Variants in POM121C observed in about 807,000 individuals in gnomAD.
The protein encoded by POM121C is nuclear envelope pore membrane protein POM 121C.
In POM121C, 20 loss-of-function variants were observed where a neutral mutation model predicts 66.4. The observed-to-expected ratio is 0.30, with a 90% CI of 0.21 to 0.44. The LOEUF (loss-of-function observed/expected upper bound fraction) is 0.44, where lower values mean the gene tolerates loss of function less well. Among genes scored for constraint, POM121C ranks in the 20% least tolerant of loss-of-function variants. The probability of loss-of-function intolerance (pLI) is 1.00; values close to 1 mark genes in which losing one functional copy is unlikely to be tolerated. For missense variants in POM121C, 580 were observed against 1,225.7 expected (o/e 0.47, Z 7.87); for synonymous variants, 286 against 528.0 (o/e 0.54, Z 6.28).
rs782295788 is a variant in POM121C, at chr7:75,424,036, C to G, written c.1048+13G>C. ...GCTCAGAAGGCTGGATCCACGGCCC[C>G]ACTCCAGCTCACCTGGGCAGGGTGG... On this transcript the variant is annotated intron_variant, in intron 12 of 14. Coordinates refer to ENST00000615331, the MANE Select transcript of POM121C (RefSeq NM_001099415.3). 2 of 1,610,344 alleles carry G rather than the reference C, an allele frequency of 1.2e-6. No homozygotes were observed. Among genetic ancestry groups the G allele is most frequent in the African/African-American group, 1.3e-5 (1 of 74,736 alleles).
At chr7:75,471,807 G>A (rs1326386960) in intron 3 of POM121C, among the ~76,000 whole-genome samples, 3 of 152,136 alleles carry the variant, frequency 2.0e-5, no homozygotes, top group Admixed American at 2.0e-4. Flanking sequence ...AACGCACAAC[G>A]CTAAAGTTTA....
In POM121C at chr7:75,421,810, G is replaced by A. The variant is rs781901963; in HGVS notation, c.2442C>T (p.Thr814=). The A allele has an allele frequency of 4.4e-6, 7 of 1,608,882 alleles. No individual in the cohort carries two copies. In the South Asian group the frequency reaches 7.7e-5, roughly 18 times the overall value. Reference sequence around the variant, plus strand: ...TGCTCCCGCTGCTGGCGGTCTGGGTGGTGGCTCCAAAGCCGGAGCTGGTGG... The same window carrying A: ...TGCTCCCGCTGCTGGCGGTCTGGGTAGTGGCTCCAAAGCCGGAGCTGGTGG... ...GAATSSGFGA[T]TQTASSGSSS... is the part of the protein sequence containing the mutation. Residue 814 remains threonine, a synonymous_variant, in exon 13 of 15, where the codon ACC becomes ACT. Transcript: ENST00000615331.
intron 3 of POM121C, among the ~76,000 whole-genome samples, chr7:75,449,729 G>C (rs587664822): frequency 6.6e-6 from 1 of 152,196 alleles, no homozygotes; most frequent in South Asian, 2.1e-4. Flanking sequence ...AGAAATGCCA[G>C]GGATGGCCAG....
intron 3 of POM121C, among the ~76,000 whole-genome samples, chr7:75,456,699 A>G (rs189974976): frequency 6.6e-6 from 1 of 152,412 alleles, no homozygotes; most frequent in East Asian, 1.9e-4. Context: ...ATCACACGGA[A>G]GCAAAATGTA....
At chr7:75,471,363 C>A (rs1791868761) in intron 3 of POM121C, among the ~76,000 whole-genome samples, 3 of 152,088 alleles carry the variant, frequency 2.0e-5, no homozygotes, top group African/African-American at 7.2e-5. Context: ...CGTGCACCAC[C>A]ACGCCTGGCT....
chr7:75,437,135 C>G (rs781829769), intron 7 of POM121C, among the ~76,000 whole-genome samples: 5 of 152,224 alleles, frequency 3.3e-5, no homozygotes, highest in Admixed American at 6.5e-5. Flanking sequence ...CATCACAGCT[C>G]TGTCTCGAAT....
At chr7:75,440,337 G>A (rs1182397815) in intron 5 of POM121C, among the ~76,000 whole-genome samples, 6 of 151,454 alleles carry the variant, frequency 4.0e-5, no homozygotes, top group African/African-American at 1.5e-4. Context: ...GGAGGCCAAG[G>A]TGGGCGGATC....
chr7:75,454,702 TG>T (rs1166182811), intron 3 of POM121C, among the ~76,000 whole-genome samples: 2 of 152,238 alleles, frequency 1.3e-5, no homozygotes, highest in Non-Finnish European at 2.9e-5. Flanking sequence ...AAAGGAAGAC[TG>T]GAAAAAAGAA....
intron 7 of POM121C, among the ~76,000 whole-genome samples, chr7:75,433,509 C>T (rs1281690780): frequency 2.6e-5 from 4 of 151,908 alleles, no homozygotes; most frequent in South Asian, 2.1e-4. Context: ...GTGCCCGCCA[C>T]CACGCCCAGC....
intron 3 of POM121C, among the ~76,000 whole-genome samples, chr7:75,462,500 C>T (rs1554477173): frequency 6.6e-6 from 1 of 151,980 alleles, no homozygotes; most frequent in Admixed American, 6.6e-5. Context: ...ATTTTACTTG[C>T]CCTTGCCCCA....
rs190501089 is a variant in POM121C, at chr7:75,476,496, C to T, written c.-457-1308G>A. ...AACAAGGGGTTCAAACCCAGTGATA[C>T]AGCTAGGACCATGTAGATCCCAAGA... On this transcript the variant is annotated intron_variant, in intron 1 of 14. Coordinates refer to ENST00000615331, the MANE Select transcript of POM121C (RefSeq NM_001099415.3). Among the ~76,000 whole-genome samples, 14 of 152,174 alleles carry T rather than the reference C, an allele frequency of 9.2e-5. No homozygotes were observed. In the East Asian group the frequency reaches 1.4e-3, roughly 15 times the overall value.
intron 1 of POM121C, among the ~76,000 whole-genome samples, chr7:75,477,003 A>T (rs1792106993): frequency 6.6e-6 from 1 of 152,136 alleles, no homozygotes; most frequent in Non-Finnish European, 1.5e-5. Context: ...TAACATCAAT[A>T]TTATATACAC....
Position 75,425,085 on chromosome 7 carries a change from G to C in POM121C, c.757C>G (p.Gln253Glu). The C allele has an allele frequency of 6.8e-7, 1 of 1,474,526 alleles. No homozygotes were observed. The highest frequency in any genetic ancestry group is 9.0e-7 in the Non-Finnish European group (1 of 1,112,336). 91.3% of individuals were successfully genotyped at this position (1,474,526 alleles called of 1,614,324 possible). Residue 253 changes from glutamine (Q) to glutamate (E), a missense_variant, in exon 10 of 15, where the codon CAG (glutamine) becomes GAG (glutamate). By Grantham distance (29) the Gln-to-Glu change is conservative (BLOSUM62 2). Coordinates refer to ENST00000615331, the MANE Select transcript of POM121C (RefSeq NM_001099415.3). Reference sequence around the variant, plus strand: ...GGACAAGACCATACCAAGGTCAGCTGTTCCCCTCGCCGAGAAGGCAGCAGC... The same window carrying C: ...GGACAAGACCATACCAAGGTCAGCTCTTCCCCTCGCCGAGAAGGCAGCAGC... The part of the protein sequence containing the change: ...VQLLPSRRGE[Q>E]LTLPPPPQLG...
At chr7:75,433,571 G>C (rs1554472657) in intron 7 of POM121C, among the ~76,000 whole-genome samples, 1 of 152,050 alleles carries the variant, frequency 6.6e-6, no homozygotes, top group African/African-American at 2.4e-5. Flanking sequence ...ATGTTAGCCA[G>C]GATAGTCTTA....
At chr7:75,442,269 G>T in intron 3 of POM121C, 1 of 1,452,520 alleles carries the variant, frequency 6.9e-7, no homozygotes, top group South Asian at 1.4e-5. Flanking sequence ...GGTGGGCGGC[G>T]GCCAGGCCTA....
chr7:75,474,475 G>A (rs1436867666), intron 3 of POM121C, among the ~76,000 whole-genome samples: 10 of 152,156 alleles, frequency 6.6e-5, no homozygotes, highest in African/African-American at 2.4e-4. Flanking sequence ...AATGCTGGAG[G>A]AAGAGGAAGT....
intron 13 of POM121C, chr7:75,420,656 C>G (rs1789669010): frequency 6.6e-6 from 1 of 152,280 alleles, no homozygotes; most frequent in African/African-American, 2.4e-5. Context: ...GATTTTCTCT[C>G]CTACTTCACG....
intron 3 of POM121C, among the ~76,000 whole-genome samples, chr7:75,465,441 C>CAA (rs782772936): frequency 1.7e-5 from 2 of 117,980 alleles, no homozygotes; most frequent in Non-Finnish European, 3.9e-5. Flanking sequence ...CCCATCTCTA[C>CAA]AAAAAAAAAA....
chr7:75,441,233 C>T (rs1790635873), intron 4 of POM121C, 118 bp from the exon 5 acceptor site: 16 of 1,486,926 alleles, frequency 1.1e-5, no homozygotes, highest in African/African-American at 2.8e-5. Flanking sequence ...ACAACAGTTC[C>T]CCTTAGCAAG....
Sources: gnomAD v4.1 joint callset for allele counts (sites outside exome capture counted in the v4.1 genomes callset) on GRCh38, gnomAD v4.1.1 for gene constraint, MANE v1.5 for transcripts, NCBI Gene and HGNC (gene_info 2026-07-23, HGNC 2026-07-21) for gene names.